Variants in KCNAB1 observed in about 807,000 individuals in gnomAD.
KCNAB1 encodes the protein voltage-gated potassium channel subunit beta-1.
Under a neutral mutation model 64.6 loss-of-function variants are expected in KCNAB1, and 35 were observed. The observed-to-expected ratio is 0.54, with a 90% CI of 0.41 to 0.72. The LOEUF (loss-of-function observed/expected upper bound fraction) is 0.72, where lower values mean the gene tolerates loss of function less well. Ranked by LOEUF, KCNAB1 falls within the 30% of genes least tolerant of loss-of-function variation. The pLI is 0.00. For missense variants in KCNAB1, 401 were observed against 512.9 expected, an observed-to-expected ratio of 0.78 and a Z score of 2.11; for synonymous variants, 177 against 183.8, an observed-to-expected ratio of 0.96 and a Z score of 0.30.
rs190655098 is a variant in KCNAB1, at chr3:156,186,254, C to T, written c.275+65368C>T. Among the ~76,000 whole-genome samples, 614 of 152,262 alleles carry T rather than the reference C, an allele frequency of 4.0e-3. 4 individuals carry two copies. Among genetic ancestry groups the T allele is most frequent in the Non-Finnish European group, 6.6e-3 (451 of 68,020 alleles). ...ACTCCATGACTCCAATCTGAAGAAC[C>T]TGCCTATTTTTTTTCTGGGGAGAAA... On this transcript the variant is annotated intron_variant, in intron 1 of 13. Coordinates refer to ENST00000490337, the MANE Select transcript of KCNAB1 (RefSeq NM_172160.3).
At chr3:156,455,046 C>T (rs1712297773) in intron 3 of KCNAB1, among the ~76,000 whole-genome samples, 1 of 152,176 alleles carries the variant, frequency 6.6e-6, no homozygotes, top group Non-Finnish European at 1.5e-5. Flanking sequence ...TTCCAGAGAG[C>T]ATCTGTGGCC....
At chr3:156,189,135 T>C (rs1446036340) in intron 1 of KCNAB1, among the ~76,000 whole-genome samples, 4 of 152,242 alleles carry the variant, frequency 2.6e-5, no homozygotes, top group Admixed American at 1.3e-4. Flanking sequence ...ACTCCCTTTA[T>C]TTGACACATT....
chr3:156,312,825 C>G (rs1174705341), intron 1 of KCNAB1, among the ~76,000 whole-genome samples: 1 of 150,898 alleles, frequency 6.6e-6, no homozygotes, highest in East Asian at 2.0e-4. Flanking sequence ...TGCAGGTTGA[C>G]TGCTCATTTG....
chr3:156,366,044 A>G (rs1293980228), intron 1 of KCNAB1, among the ~76,000 whole-genome samples: 1 of 149,858 alleles, frequency 6.7e-6, no homozygotes, highest in Non-Finnish European at 1.5e-5. Context: ...AAAATTAATG[A>G]AAGAAAGTAG....
At chr3:156,291,698 C>T in intron 1 of KCNAB1, 1 of 1,420,006 alleles carries the variant, frequency 7.0e-7, no homozygotes, top group Middle Eastern at 2.6e-4. Context: ...TCTCTGGGTC[C>T]CCGGGGACTC....
Position 156,175,402 on chromosome 3 carries a change from C to T in KCNAB1, c.275+54516C>T, listed in dbSNP as rs1003126310. Among the ~76,000 whole-genome samples, 6 of 152,296 alleles carry T rather than the reference C, an allele frequency of 3.9e-5. No homozygotes were observed. The East Asian group carries it at 1.2e-3, about 29-fold the overall frequency. ...TTGGGAGGCCGAGGCGGGTGGATCA[C>T]AAGGTCAGGAGATCGAGACCATCCT... is the stretch of plus-strand genomic sequence containing the variant. On this transcript the variant is annotated intron_variant, in intron 1 of 13. Coordinates refer to ENST00000490337, the MANE Select transcript of KCNAB1 (RefSeq NM_172160.3).
intron 11 of KCNAB1, 188 bp from the exon 12 acceptor site, chr3:156,523,639 G>A: frequency 1.7e-6 from 1 of 603,414 alleles, no homozygotes; most frequent in Non-Finnish European, 2.9e-6. Context: ...AATCTGTTTT[G>A]AACCAATAAA....
chr3:156,346,583 C>G (rs1225307250), intron 1 of KCNAB1, among the ~76,000 whole-genome samples: 1 of 152,116 alleles, frequency 6.6e-6, no homozygotes, highest in Non-Finnish European at 1.5e-5. Context: ...GCTTTATAAT[C>G]AGGAGAAAAC....
intron 8 of KCNAB1, among the ~76,000 whole-genome samples, chr3:156,476,337 A>G (rs779053110): frequency 1.1e-4 from 16 of 152,016 alleles, no homozygotes; most frequent in Non-Finnish European, 2.4e-4. Flanking sequence ...CCACTGTAGC[A>G]TGCTTATGTC....
chr3:156,514,707 A>G (rs1033900284), intron 9 of KCNAB1, among the ~76,000 whole-genome samples: 63 of 152,246 alleles, frequency 4.1e-4, no homozygotes, highest in African/African-American at 1.5e-3. Context: ...TTAACAGAGT[A>G]TTCTAGTTTT....
At chr3:156,209,895 G>A (rs1021974724) in intron 1 of KCNAB1, among the ~76,000 whole-genome samples, 2 of 152,206 alleles carry the variant, frequency 1.3e-5, no homozygotes, top group Non-Finnish European at 2.9e-5. Flanking sequence ...AATCAAATGA[G>A]CTAATTTCAA....
chr3:156,328,635 G>A (rs1419325803), intron 1 of KCNAB1, among the ~76,000 whole-genome samples: 1 of 152,140 alleles, frequency 6.6e-6, no homozygotes, highest in Non-Finnish European at 1.5e-5. Context: ...GCTCATTGTT[G>A]CAGCTTGTCT....
intron 8 of KCNAB1, among the ~76,000 whole-genome samples, chr3:156,480,571 G>A (rs1164254470): frequency 6.6e-6 from 1 of 151,710 alleles, no homozygotes; most frequent in Middle Eastern, 3.2e-3. Flanking sequence ...AAACAGGTGA[G>A]GTTAGTTATT....
intron 7 of KCNAB1, among the ~76,000 whole-genome samples, chr3:156,471,752 T>G (rs1192352651): frequency 6.6e-6 from 1 of 152,210 alleles, no homozygotes; most frequent in African/African-American, 2.4e-5. Flanking sequence ...TAAACGTAAA[T>G]GGCTCTTAAG....
chr3:156,206,555 C>T (rs915688552), intron 1 of KCNAB1, among the ~76,000 whole-genome samples: 16 of 152,202 alleles, frequency 1.1e-4, no homozygotes, highest in Non-Finnish European at 1.9e-4. Context: ...CTAGTTCTGC[C>T]TTCTAAACTA....
chr3:156,400,815 C>A (rs934894283), intron 1 of KCNAB1, among the ~76,000 whole-genome samples: 2 of 152,176 alleles, frequency 1.3e-5, no homozygotes, highest in Non-Finnish European at 2.9e-5. Flanking sequence ...TCCTGGGAAG[C>A]CTCTTTCAAA....
At position 156,536,449 on chromosome 3, in the gene KCNAB1, C is replaced by T. The variant is rs910367241; in HGVS notation, c.1171-209C>T. ...GTATTTCTATGAGCCTTCACTTATGCCTTTATGCCTTCATTTATGCAGTCA... is the reference window on the plus strand; with the variant it reads ...GTATTTCTATGAGCCTTCACTTATGTCTTTATGCCTTCATTTATGCAGTCA... On this transcript the variant is annotated intron_variant, in intron 13 of 13. Coordinates refer to ENST00000490337, the MANE Select transcript of KCNAB1 (RefSeq NM_172160.3). 5.7e-6 allele frequency: 3 copies of T among 527,438 alleles called. No homozygotes were observed. The African/African-American group carries it at 5.7e-5, about 10-fold the overall frequency. The allele number at this position is 527,438 out of a possible 1,614,324, so 32.7% of individuals were successfully genotyped here.
chr3:156,416,340 C>G (rs960878667), intron 1 of KCNAB1, among the ~76,000 whole-genome samples: 1 of 152,204 alleles, frequency 6.6e-6, no homozygotes, highest in Non-Finnish European at 1.5e-5. Flanking sequence ...ACCCTTTGTT[C>G]TCCCCTCCTC....
chr3:156,423,305 A>C (rs1715589467), intron 2 of KCNAB1, among the ~76,000 whole-genome samples: 1 of 152,234 alleles, frequency 6.6e-6, no homozygotes, highest in African/African-American at 2.4e-5. Context: ...AGAGAGAAGA[A>C]TATCTGGAAT....
Sources: allele counts gnomAD v4.1 joint callset (sites outside exome capture counted in the v4.1 genomes callset), GRCh38; gene constraint gnomAD v4.1.1; transcripts MANE v1.5; gene names NCBI Gene and HGNC (gene_info 2026-07-23, HGNC 2026-07-21).